The following CYP39A1 variants were observed in gnomAD, a reference collection of about 807,000 sequenced individuals.
CYP39A1 encodes the protein 24-hydroxycholesterol 7-alpha-hydroxylase.
In CYP39A1, 49 loss-of-function variants were observed where a neutral mutation model predicts 58.1. The observed-to-expected ratio is 0.84, with a 90% CI of 0.67 to 1.07. The LOEUF (loss-of-function observed/expected upper bound fraction) is 1.07, where lower values mean the gene tolerates loss of function less well. Ranked by LOEUF, CYP39A1 falls within the 50% of genes least tolerant of loss-of-function variation. CYP39A1 has a pLI of 0.00. For missense variants in CYP39A1, 531 were observed against 539.4 expected (o/e 0.98, Z 0.16); for synonymous variants, 209 against 187.6 (o/e 1.11, Z -0.93).
At chr6:46,634,142 A>G (rs1452442432) in intron 5 of CYP39A1, among the ~76,000 whole-genome samples, 1 of 152,198 alleles carries the variant, frequency 6.6e-6, no homozygotes, top group African/African-American at 2.4e-5. Flanking sequence ...AGGTAACCGA[A>G]TCATGGGAGC....
Position 46,631,022 on chromosome 6 carries a change from C to A in CYP39A1, c.781G>T (p.Glu261Ter), listed in dbSNP as rs781634154. 6.2e-7 allele frequency: 1 copy of A among 1,614,032 alleles called. No individual in the cohort carries two copies. The highest frequency in any genetic ancestry group is 1.3e-5 in the African/African-American group (1 of 74,990). ...LDIVETETSK[E>*]NSPNYGLLLL... ...AAGAGCCCATAATTGGGTGAGTTTT[C>A]CTTACTTGTTTCCGTCTCTACAATA... The change falls in exon 6 of 12, where the codon GAA (glutamate) becomes TAA (stop). Residue 261 changes from glutamate to a stop codon, truncating the protein, a stop_gained. Coordinates refer to ENST00000275016, the MANE Select transcript of CYP39A1 (RefSeq NM_016593.5). LOFTEE classifies it high-confidence loss of function.
chr6:46,612,116 C>G (rs1003623740), intron 7 of CYP39A1, among the ~76,000 whole-genome samples: 1 of 152,164 alleles, frequency 6.6e-6, no homozygotes, highest in Non-Finnish European at 1.5e-5. Flanking sequence ...ATCAAATAAT[C>G]TACAGCTATC....
At chr6:46,560,324 G>T (rs1770908390) in intron 10 of CYP39A1, among the ~76,000 whole-genome samples, 1 of 152,172 alleles carries the variant, frequency 6.6e-6, no homozygotes, top group Non-Finnish European at 1.5e-5. Context: ...CCAGACAATA[G>T]AAAGTGGTGA....
intron 4 of CYP39A1, 33 bp downstream of exon 4, chr6:46,637,796 G>T (rs777179434): frequency 3.7e-6 from 6 of 1,600,116 alleles, no homozygotes; most frequent in Non-Finnish European, 5.1e-6. Context: ...GATAAGCTTG[G>T]TCAATGAATT....
chr6:46,589,972 T>A (rs1772731341), intron 8 of CYP39A1, among the ~76,000 whole-genome samples: 1 of 152,066 alleles, frequency 6.6e-6, no homozygotes, highest in Non-Finnish European at 1.5e-5. Flanking sequence ...AGTAACAGAA[T>A]TACCACTAGC....
intron 7 of CYP39A1, among the ~76,000 whole-genome samples, chr6:46,608,945 T>C (rs1774024633): frequency 6.6e-6 from 1 of 151,972 alleles, no homozygotes; most frequent in African/African-American, 2.4e-5. Flanking sequence ...TATTTATAGA[T>C]AGCGAGAATG....
chr6:46,643,306 T>C (rs1479579989), intron 1 of CYP39A1, among the ~76,000 whole-genome samples: 3 of 152,210 alleles, frequency 2.0e-5, no homozygotes, highest in Non-Finnish European at 2.9e-5. Context: ...TATACATATC[T>C]CAAGGCATAA....
chr6:46,600,523 C>T (rs1773424825), intron 7 of CYP39A1, among the ~76,000 whole-genome samples: 1 of 152,124 alleles, frequency 6.6e-6, no homozygotes, highest in Non-Finnish European at 1.5e-5. Context: ...AGGATTGGAA[C>T]TGCCAGCCCC....
At chr6:46,581,767 C>T (rs1727586) in intron 10 of CYP39A1, among the ~76,000 whole-genome samples, 9,037 of 152,124 alleles carry the variant, frequency 0.059, 633 homozygotes, top group African/African-American at 0.16. Flanking sequence ...CATGTACCCC[C>T]CTTGAACCCA....
At chr6:46,643,013 C>T (rs992679993) in intron 1 of CYP39A1, among the ~76,000 whole-genome samples, 2 of 152,168 alleles carry the variant, frequency 1.3e-5, no homozygotes, top group Non-Finnish European at 2.9e-5. Flanking sequence ...ATGGATCCTA[C>T]ACTCTTGCCT....
intron 8 of CYP39A1, among the ~76,000 whole-genome samples, chr6:46,591,886 G>A (rs2150517735): frequency 6.6e-6 from 1 of 152,102 alleles, no homozygotes; most frequent in Non-Finnish European, 1.5e-5. Context: ...CTATTGATCT[G>A]AACATCTGGT....
chr6:46,622,599 C>A (rs571301983), intron 7 of CYP39A1, among the ~76,000 whole-genome samples: 18 of 151,950 alleles, frequency 1.2e-4, no homozygotes, highest in African/African-American at 4.1e-4. Context: ...CAAAGTGAGA[C>A]CCTGTTGCTA....
At chr6:46,584,905 A>G (rs3799884) in intron 10 of CYP39A1, among the ~76,000 whole-genome samples, 17,561 of 152,144 alleles carry the variant, frequency 0.12, 1,029 homozygotes, top group Middle Eastern at 0.16. Context: ...CCTTGCAGTT[A>G]TTTATTAATT....
intron 7 of CYP39A1, 97 bp downstream of exon 7, chr6:46,625,321 T>C: frequency 2.4e-6 from 2 of 845,370 alleles, no homozygotes; most frequent in South Asian, 4.4e-5. Flanking sequence ...TTGGATTATG[T>C]TGAATTTTTA....
At chr6:46,589,872 T>C (rs1287294747) in intron 8 of CYP39A1, among the ~76,000 whole-genome samples, 1 of 152,086 alleles carries the variant, frequency 6.6e-6, no homozygotes, top group Admixed American at 6.6e-5. Context: ...CTTAAGTTGC[T>C]GTTGACCTGT....
At chr6:46,652,379 G>T in intron 1 of CYP39A1, 27 bp downstream of exon 1, 2 of 1,590,066 alleles carry the variant, frequency 1.3e-6, no homozygotes, top group East Asian at 4.5e-5. Flanking sequence ...GTCTCCTCTG[G>T]AGACCCCGTC....
At chr6:46,585,322 T>TATAGATAGATAG (rs3837039) in intron 10 of CYP39A1, among the ~76,000 whole-genome samples, 56 of 149,842 alleles carry the variant, frequency 3.7e-4, no homozygotes, top group African/African-American at 4.9e-4. Context: ...TTGCTATTGG[T>TATAGATAGATAG]ATAGATAGAT....
At chr6:46,630,112 AC>A (rs1775555941) in intron 6 of CYP39A1, among the ~76,000 whole-genome samples, 1 of 148,552 alleles carries the variant, frequency 6.7e-6, no homozygotes, top group African/African-American at 2.6e-5. Flanking sequence ...ACAAAACAAA[AC>A]AAAACAACAA....
intron 10 of CYP39A1, among the ~76,000 whole-genome samples, chr6:46,574,887 AT>A (rs1272506303): frequency 6.6e-6 from 1 of 151,784 alleles, no homozygotes; most frequent in Non-Finnish European, 1.5e-5. Flanking sequence ...CCAGGAAGAA[AT>A]TCTCCCACTG....
Sources: allele counts gnomAD v4.1 joint callset (sites outside exome capture counted in the v4.1 genomes callset), GRCh38; gene constraint gnomAD v4.1.1; transcripts MANE v1.5; gene names NCBI Gene and HGNC (gene_info 2026-07-23, HGNC 2026-07-21).